The following CSRNP3 variants were observed in gnomAD, a reference collection of about 807,000 sequenced individuals.
The protein encoded by CSRNP3 is cysteine and serine rich nuclear protein 3.
CSRNP3 carries 12 observed loss-of-function variants against 48.0 expected under a neutral mutation model. That is an observed-to-expected ratio of 0.25 (90% CI 0.16 to 0.41). The LOEUF (loss-of-function observed/expected upper bound fraction) is 0.41. Among genes scored for constraint, CSRNP3 ranks in the 10% least tolerant of loss-of-function variants. CSRNP3 has a pLI of 1.00. For synonymous variants in CSRNP3, 263 were observed against 269.7 expected (o/e 0.98, Z 0.24); for missense variants, 580 against 724.4 (o/e 0.80, Z 2.29).
chr2:165,634,822 A>C (rs1313211636), intron 4 of CSRNP3, among the ~76,000 whole-genome samples: 3 of 152,232 alleles, frequency 2.0e-5, no homozygotes, highest in African/African-American at 7.2e-5. Flanking sequence ...CCTGCAGAGG[A>C]AAGTCATTCT....
intron 4 of CSRNP3, among the ~76,000 whole-genome samples, chr2:165,657,248 GC>G (rs1687020407): frequency 6.6e-6 from 1 of 152,042 alleles, no homozygotes; most frequent in Non-Finnish European, 1.5e-5. Context: ...CCTAATAATG[GC>G]CCCAAAGCAC....
At chr2:165,541,808 C>A (rs1489129137) in intron 3 of CSRNP3, among the ~76,000 whole-genome samples, 1 of 152,062 alleles carries the variant, frequency 6.6e-6, no homozygotes, top group Non-Finnish European at 1.5e-5. Context: ...CTTGATCACC[C>A]CAGTGTAGGG....
intron 3 of CSRNP3, among the ~76,000 whole-genome samples, chr2:165,579,921 C>CTTTTTT (rs147087270): frequency 1.4e-5 from 1 of 70,550 alleles, no homozygotes; most frequent in Non-Finnish European, 2.6e-5. Context: ...CATGACTCTA[C>CTTTTTT]TTTTTTTTTT....
chr2:165,480,667 AT>A (rs1684028077), intron 1 of CSRNP3, among the ~76,000 whole-genome samples: 1 of 151,508 alleles, frequency 6.6e-6, no homozygotes, highest in Non-Finnish European at 1.5e-5. Context: ...GCAGAACCAA[AT>A]TGGCAATGTG....
chr2:165,547,223 A>G (rs1388676182), intron 3 of CSRNP3, among the ~76,000 whole-genome samples: 1 of 152,188 alleles, frequency 6.6e-6, no homozygotes, highest in Non-Finnish European at 1.5e-5. Flanking sequence ...TCCATAAAGA[A>G]GGACACTTGA....
chr2:165,490,050 C>T (rs1684181699), intron 1 of CSRNP3, among the ~76,000 whole-genome samples: 1 of 151,840 alleles, frequency 6.6e-6, no homozygotes, highest in Non-Finnish European at 1.5e-5. Flanking sequence ...TAGAAATCCC[C>T]ATCGTCTCAG....
chr2:165,559,328 G>C (rs1375013938), intron 3 of CSRNP3, among the ~76,000 whole-genome samples: 1 of 152,144 alleles, frequency 6.6e-6, no homozygotes, highest in East Asian at 1.9e-4. Flanking sequence ...ACTGCTGAAA[G>C]TGTCCCCTTT....
At chr2:165,571,039 C>T (rs900014628) in intron 3 of CSRNP3, among the ~76,000 whole-genome samples, 2 of 151,782 alleles carry the variant, frequency 1.3e-5, no homozygotes, top group African/African-American at 2.4e-5. Flanking sequence ...TTTCAATTGA[C>T]ACACAAAAAA....
intron 3 of CSRNP3, among the ~76,000 whole-genome samples, chr2:165,591,802 C>G (rs535878467): frequency 4.6e-5 from 7 of 152,196 alleles, no homozygotes; most frequent in Non-Finnish European, 8.8e-5. Context: ...GGAAATGCCT[C>G]TATGTCCAGG....
intron 2 of CSRNP3, among the ~76,000 whole-genome samples, chr2:165,496,785 T>C (rs1387748589): frequency 1.3e-5 from 2 of 152,014 alleles, no homozygotes; most frequent in Non-Finnish European, 2.9e-5. Context: ...CCCGTGATTT[T>C]GTTTTTTTAA....
rs549059584 is a variant in CSRNP3, at chr2:165,510,174, T to C, written c.-112-7699T>C. 1.2e-4 allele frequency among the ~76,000 whole-genome samples: 18 copies of C among 152,250 alleles called. No homozygotes were observed. In the East Asian group the frequency reaches 2.7e-3, roughly 23 times the overall value. ...CACTGTAGCATTACTATTTTTATTT[T>C]TTCACGCTCTGTTTTTTTGAAATAA... is the stretch of plus-strand genomic sequence containing the variant. On this transcript the variant is annotated intron_variant, in intron 2 of 6. Transcript: ENST00000651982.
intron 4 of CSRNP3, among the ~76,000 whole-genome samples, chr2:165,642,866 T>C (rs1316325463): frequency 6.6e-6 from 1 of 152,182 alleles, no homozygotes; most frequent in East Asian, 1.9e-4. Context: ...CCAGCTTGCA[T>C]ATTCTTTATG....
chr2:165,501,801 G>A (rs550376628), intron 2 of CSRNP3, among the ~76,000 whole-genome samples: 1 of 151,842 alleles, frequency 6.6e-6, no homozygotes, highest in Non-Finnish European at 1.5e-5. Flanking sequence ...ATACAATTAG[G>A]GTCTCCTTCA....
chr2:165,622,637 T>C (rs1422007545), intron 4 of CSRNP3, among the ~76,000 whole-genome samples: 1 of 152,172 alleles, frequency 6.6e-6, no homozygotes, highest in Non-Finnish European at 1.5e-5. Flanking sequence ...GTTGGCTACA[T>C]CAGATCCTGA....
At chr2:165,490,548 A>T (rs1372403407) in intron 1 of CSRNP3, among the ~76,000 whole-genome samples, 3 of 143,772 alleles carry the variant, frequency 2.1e-5, no homozygotes, top group Admixed American at 1.4e-4. Flanking sequence ...ACTTCAAACT[A>T]TACTACAAGG....
intron 4 of CSRNP3, among the ~76,000 whole-genome samples, chr2:165,600,178 G>T (rs13396098): frequency 7.5e-6 from 1 of 132,972 alleles, no homozygotes. Context: ...GTGAGAATAT[G>T]CGGTGTTTGG....
Position 165,627,817 on chromosome 2 carries a change from T to G in CSRNP3, c.149-29944T>G, listed in dbSNP as rs533671814. 4.6e-4 allele frequency among the ~76,000 whole-genome samples: 70 copies of G among 152,266 alleles called. No homozygotes were observed. The South Asian group carries it at 8.3e-3, about 18-fold the overall frequency. On this transcript the variant is annotated intron_variant, in intron 4 of 6. Coordinates refer to ENST00000651982, the MANE Select transcript of CSRNP3 (RefSeq NM_001172173.2). ...CCAGAGACATGGTCAGAGCATGCAT[T>G]TTTCTCATTCATGAATGAGGAACTA...
At chr2:165,580,895 C>A (rs546563151) in intron 3 of CSRNP3, among the ~76,000 whole-genome samples, 1 of 151,168 alleles carries the variant, frequency 6.6e-6, no homozygotes, top group Non-Finnish European at 1.5e-5. Context: ...GTAAGTCTTG[C>A]AAATTGTCCA....
chr2:165,541,563 C>G (rs1245486102), intron 3 of CSRNP3, among the ~76,000 whole-genome samples: 1 of 152,098 alleles, frequency 6.6e-6, no homozygotes, highest in African/African-American at 2.4e-5. Context: ...CACTTTAGAG[C>G]CCTGAGGGAC....
Sources: gnomAD v4.1 joint callset for allele counts (sites outside exome capture counted in the v4.1 genomes callset) on GRCh38, gnomAD v4.1.1 for gene constraint, MANE v1.5 for transcripts, NCBI Gene and HGNC (gene_info 2026-07-23, HGNC 2026-07-21) for gene names.